SHISA9: variants seen among roughly 807,000 people sequenced by gnomAD.
SHISA9 encodes the protein protein shisa-9.
A neutral mutation model predicts 38.0 loss-of-function variants in SHISA9; 13 were observed. The observed-to-expected ratio is 0.34, with a 90% CI of 0.22 to 0.54. The LOEUF (loss-of-function observed/expected upper bound fraction) is 0.54, where lower values mean the gene tolerates loss of function less well. SHISA9 is among the 20% of genes least tolerant of loss of function. SHISA9 has a pLI of 0.91. For synonymous variants in SHISA9, 275 were observed against 242.0 expected, an observed-to-expected ratio of 1.14 and a Z score of -1.27; for missense variants, 538 against 575.8, an observed-to-expected ratio of 0.93 and a Z score of 0.67.
At chr16:13,038,823 G>C (rs932793096) in intron 2 of SHISA9, among the ~76,000 whole-genome samples, 1 of 152,144 alleles carries the variant, frequency 6.6e-6, no homozygotes, top group African/African-American at 2.4e-5. Context: ...TGAATTACTA[G>C]TGTCTGACAC....
chr16:13,469,035 G>C, the SHISA9 span, among the ~76,000 whole-genome samples: 3 of 151,738 alleles, frequency 2.0e-5, no homozygotes, highest in Non-Finnish European at 4.4e-5. Context: ...TTGAGGTCAG[G>C]AGTTTAAGAG....
In SHISA9 at chr16:13,130,716, A is replaced by G. The variant is rs377539547; in HGVS notation, c.692-72678A>G. On this transcript the variant is annotated intron_variant, in intron 2 of 4. Transcript: ENST00000558583. ...CAGAGCTGGATAGTGAATATTTTAG[A>G]CTTTGTGTACCATGCAATCTCTGTT... 9.2e-5 allele frequency among the ~76,000 whole-genome samples: 14 copies of G among 152,322 alleles called. No homozygotes were observed. In the East Asian group the frequency reaches 2.5e-3, roughly 27 times the overall value.
At chr16:12,966,878 A>G (rs1239102124) in intron 2 of SHISA9, among the ~76,000 whole-genome samples, 1 of 152,204 alleles carries the variant, frequency 6.6e-6, no homozygotes, top group Non-Finnish European at 1.5e-5. Context: ...TTCCTGTAGG[A>G]TAATTAGCTG....
chr16:13,367,476 G>A, the SHISA9 span, among the ~76,000 whole-genome samples: 1 of 151,572 alleles, frequency 6.6e-6, no homozygotes, highest in African/African-American at 2.4e-5. Flanking sequence ...AGAACAGGAA[G>A]CCAGGATCCA....
intron 2 of SHISA9, among the ~76,000 whole-genome samples, chr16:13,030,223 A>G (rs978001090): frequency 6.6e-6 from 1 of 152,114 alleles, no homozygotes; most frequent in African/African-American, 2.4e-5. Context: ...ATGGAATCCT[A>G]TTGCAAGAAC....
At chr16:12,928,911 C>T (rs960906712) in intron 2 of SHISA9, among the ~76,000 whole-genome samples, 24 of 152,174 alleles carry the variant, frequency 1.6e-4, no homozygotes, top group Admixed American at 5.2e-4. Flanking sequence ...TTCTTGTGAA[C>T]ATTTTGGTTC....
At chr16:13,276,830 G>A in the SHISA9 span, among the ~76,000 whole-genome samples, 2 of 152,126 alleles carry the variant, frequency 1.3e-5, no homozygotes, top group South Asian at 4.1e-4. Flanking sequence ...CTTTTCAGAT[G>A]TATAGATTGT....
At chr16:13,220,098 A>G (rs2051208565) in intron 4 of SHISA9, among the ~76,000 whole-genome samples, 1 of 152,188 alleles carries the variant, frequency 6.6e-6, no homozygotes, top group Non-Finnish European at 1.5e-5. Context: ...ATAACCTCAA[A>G]TCTCATTGCT....
At chr16:13,444,558 T>A in the SHISA9 span, among the ~76,000 whole-genome samples, 3 of 152,154 alleles carry the variant, frequency 2.0e-5, no homozygotes, top group African/African-American at 7.2e-5. Flanking sequence ...CTTTATGTTC[T>A]CCAACTTTAT....
the SHISA9 span, among the ~76,000 whole-genome samples, chr16:13,288,343 G>T: frequency 6.6e-6 from 1 of 152,134 alleles, no homozygotes; most frequent in Non-Finnish European, 1.5e-5. Context: ...GCATGGTCAG[G>T]TTCTGGTGAA....
chr16:13,528,562 AAAAG>A, the SHISA9 span, among the ~76,000 whole-genome samples: 6 of 152,204 alleles, frequency 3.9e-5, no homozygotes, highest in East Asian at 9.6e-4. Context: ...ATGAATCCCA[AAAAG>A]AAAGAAAGGC....
the SHISA9 span, among the ~76,000 whole-genome samples, chr16:13,270,482 A>G: frequency 6.6e-6 from 1 of 152,212 alleles, no homozygotes; most frequent in Non-Finnish European, 1.5e-5. Context: ...CGATAGAATG[A>G]GCTTTGCAAG....
the SHISA9 span, among the ~76,000 whole-genome samples, chr16:13,500,976 C>T: frequency 6.6e-6 from 1 of 152,110 alleles, no homozygotes; most frequent in Non-Finnish European, 1.5e-5. Flanking sequence ...AGAGAGGGAG[C>T]ACTATAGGAG....
At chr16:13,069,108 G>A (rs2073474412) in intron 2 of SHISA9, among the ~76,000 whole-genome samples, 1 of 151,752 alleles carries the variant, frequency 6.6e-6, no homozygotes, top group South Asian at 2.1e-4. Context: ...GTGTATACAT[G>A]TGTACATGCA....
chr16:13,549,664 G>C, the SHISA9 span, among the ~76,000 whole-genome samples: 2 of 152,240 alleles, frequency 1.3e-5, no homozygotes, highest in East Asian at 3.9e-4. Flanking sequence ...ATAAAACAGA[G>C]TGATCTTTTA....
the SHISA9 span, among the ~76,000 whole-genome samples, chr16:13,318,460 G>A: frequency 6.6e-6 from 1 of 152,144 alleles, no homozygotes; most frequent in African/African-American, 2.4e-5. Flanking sequence ...CTGAGTAGCT[G>A]GAAGTACAGG....
chr16:13,518,529 G>A, the SHISA9 span, among the ~76,000 whole-genome samples: 1 of 152,066 alleles, frequency 6.6e-6, no homozygotes, highest in Non-Finnish European at 1.5e-5. Context: ...CAGAGAGTTT[G>A]ATTAAGATGC....
intron 2 of SHISA9, among the ~76,000 whole-genome samples, chr16:12,941,163 C>A (rs1257813210): frequency 6.6e-6 from 1 of 152,018 alleles, no homozygotes; most frequent in Non-Finnish European, 1.5e-5. Context: ...ACCAGCCTGG[C>A]CAACATGGTG....
chr16:13,019,049 T>C (rs555303177), intron 2 of SHISA9, among the ~76,000 whole-genome samples: 3 of 152,158 alleles, frequency 2.0e-5, no homozygotes, highest in Non-Finnish European at 4.4e-5. Context: ...GCTCAGGCTG[T>C]AGTGCCGTGG....
Sources: gnomAD v4.1 joint callset for allele counts (sites outside exome capture counted in the v4.1 genomes callset) on GRCh38, gnomAD v4.1.1 for gene constraint, MANE v1.5 for transcripts, NCBI Gene and HGNC (gene_info 2026-07-23, HGNC 2026-07-21) for gene names.